The following COBL variants were observed in gnomAD, a reference collection of about 807,000 sequenced individuals.
The protein encoded by COBL is protein cordon-bleu.
COBL carries 51 observed loss-of-function variants against 98.8 expected under a neutral mutation model. The ratio of observed to expected loss-of-function variants is 0.52; its 90% CI spans 0.41 to 0.65. COBL has a LOEUF of 0.65. Ranked by LOEUF, COBL falls within the 30% of genes least tolerant of loss-of-function variation. The pLI is 0.00. For synonymous variants in COBL, 634 were observed against 651.7 expected, an observed-to-expected ratio of 0.97 and a Z score of 0.41; for missense variants, 1,617 against 1,617.5, an observed-to-expected ratio of 1.00 and a Z score of 0.01.
chr7:51,226,587 GGAGT>G (rs1479547322), intron 1 of COBL, among the ~76,000 whole-genome samples: 2 of 136,230 alleles, frequency 1.5e-5, no homozygotes, highest in African/African-American at 2.7e-5. Context: ...AGTGAGTGAG[GGAGT>G]GAGTTGGGAT....
At chr7:51,236,835 G>T (rs1050487476) in intron 1 of COBL, among the ~76,000 whole-genome samples, 14 of 152,138 alleles carry the variant, frequency 9.2e-5, no homozygotes, top group African/African-American at 3.4e-4. Flanking sequence ...AATGCAGCAG[G>T]GTCGGTGTCC....
intron 1 of COBL, among the ~76,000 whole-genome samples, chr7:51,244,583 C>T (rs1055770482): frequency 2.0e-5 from 3 of 152,134 alleles, no homozygotes; most frequent in African/African-American, 7.2e-5. Flanking sequence ...TGGGGCCCAG[C>T]CTCTCCTACG....
chr7:51,097,047 C>T (rs1371821229), intron 6 of COBL, among the ~76,000 whole-genome samples: 2 of 152,114 alleles, frequency 1.3e-5, no homozygotes, highest in African/African-American at 2.4e-5. Context: ...AAGAAAATTA[C>T]AGACCAGTAT....
At chr7:51,300,140 CTGTTT>C (rs113190272) in intron 1 of COBL, among the ~76,000 whole-genome samples, 70,464 of 148,162 alleles carry the variant, frequency 0.48, 16,699 homozygotes, top group African/African-American at 0.49. Flanking sequence ...GTTTGCTTTT[CTGTTT>C]TGTTTTGTTT....
At chr7:51,067,525 T>A (rs140094308) in intron 7 of COBL, among the ~76,000 whole-genome samples, 1 of 152,344 alleles carries the variant, frequency 6.6e-6, no homozygotes, top group Non-Finnish European at 1.5e-5. Flanking sequence ...TGCACATGCA[T>A]GTATGCACAT....
In COBL at chr7:51,221,887, C is replaced by T. The variant is rs115238386; in HGVS notation, c.42-1943G>A. Among the ~76,000 whole-genome samples the T allele has an allele frequency of 7.4e-3, 1,128 of 152,296 alleles. 13 individuals are homozygous for T. The highest frequency in any genetic ancestry group is 0.026 in the African/African-American group (1,095 of 41,554). ...AATGTAAAGTTACGCACATTCACGTCATTAAAATAACATTCAGGGGCCAGG... is the reference window on the plus strand; with the variant it reads ...AATGTAAAGTTACGCACATTCACGTTATTAAAATAACATTCAGGGGCCAGG... On this transcript the variant is annotated intron_variant, in intron 1 of 12. Coordinates refer to ENST00000265136, the MANE Select transcript of COBL (RefSeq NM_015198.5).
intron 7 of COBL, among the ~76,000 whole-genome samples, chr7:51,063,608 G>A (rs1791604011): frequency 6.6e-6 from 1 of 152,212 alleles, no homozygotes; most frequent in African/African-American, 2.4e-5. Flanking sequence ...CTGAGGGCCA[G>A]GTGTGGCCCC....
chr7:51,257,300 A>T (rs1050535126), intron 1 of COBL, among the ~76,000 whole-genome samples: 1 of 152,202 alleles, frequency 6.6e-6, no homozygotes, highest in Non-Finnish European at 1.5e-5. Flanking sequence ...AATAAAACCT[A>T]CATCACACCA....
At chr7:51,281,454 C>T (rs188477098) in intron 1 of COBL, among the ~76,000 whole-genome samples, 126 of 152,234 alleles carry the variant, frequency 8.3e-4, no homozygotes, top group Non-Finnish European at 4.4e-5. Flanking sequence ...GTTCAGCAAA[C>T]CCTATACAGG....
At chr7:51,073,277 G>A in intron 7 of COBL, 1 of 632,016 alleles carries the variant, frequency 1.6e-6, no homozygotes. Flanking sequence ...AAGAACAACA[G>A]GAAAATCAGA....
rs141632374 is a variant in COBL, at chr7:51,131,626, C to T, written c.957+4532G>A. Among the ~76,000 whole-genome samples the T allele has an allele frequency of 9.5e-3, 1,422 of 149,702 alleles. 18 individuals carry two copies. Among genetic ancestry groups the T allele is most frequent in the South Asian group, 0.055 (260 of 4,732 alleles). On this transcript the variant is annotated intron_variant, in intron 6 of 12. Coordinates refer to ENST00000265136, the MANE Select transcript of COBL (RefSeq NM_015198.5). ...TTTTTTTTTCTGAAATGGAGTTTCACTCTTTCGCCCAGGCTAGAGTGCAGT... is the reference window on the plus strand; with the variant it reads ...TTTTTTTTTCTGAAATGGAGTTTCATTCTTTCGCCCAGGCTAGAGTGCAGT...
intron 1 of COBL, among the ~76,000 whole-genome samples, chr7:51,231,827 A>G (rs1794786674): frequency 6.6e-6 from 1 of 152,198 alleles, no homozygotes; most frequent in African/African-American, 2.4e-5. Flanking sequence ...ATGTGGCACC[A>G]GACCTGTAGC....
chr7:51,303,115 C>A (rs1802135129), intron 1 of COBL, among the ~76,000 whole-genome samples: 1 of 152,196 alleles, frequency 6.6e-6, no homozygotes. Flanking sequence ...TTTCCCCGAG[C>A]CTCATGACAA....
chr7:51,069,954 C>T (rs545699431), intron 7 of COBL, among the ~76,000 whole-genome samples: 40 of 152,268 alleles, frequency 2.6e-4, no homozygotes, highest in African/African-American at 7.5e-4. Context: ...TAGATCTAAT[C>T]TCTTTTGGGG....
chr7:51,156,485 G>A, intron 5 of COBL: 2 of 984,962 alleles, frequency 2.0e-6, no homozygotes, highest in Non-Finnish European at 2.4e-6. Context: ...AGTTTTATTG[G>A]AGGCTGTCAT....
At chr7:51,095,098 A>G (rs566936882) in intron 6 of COBL, among the ~76,000 whole-genome samples, 3 of 152,346 alleles carry the variant, frequency 2.0e-5, no homozygotes, top group Non-Finnish European at 2.9e-5. Flanking sequence ...GGCAATTTAT[A>G]AAGGAAGGAG....
chr7:51,085,265 G>C lies in COBL; in HGVS notation c.997C>G (p.Arg333Gly). Residue 333 changes from arginine (R) to glycine (G), a missense_variant, in exon 7 of 13, where the codon CGG becomes GGG. Arg to Gly is a moderately radical substitution (Grantham distance 125, BLOSUM62 -2). Coordinates refer to ENST00000265136, the MANE Select transcript of COBL (RefSeq NM_015198.5). ...GGTGGAGGGGGAGCTGGCGCTCGCC[G>C]CTTCTTCTTCTGTAAATCAATCTGT... is the stretch of plus-strand genomic sequence containing the variant. Reference protein sequence around the residue: ...GSQIDLQKKKRRAPAPPPPQP... With the variant: ...GSQIDLQKKKGRAPAPPPPQP... 6.3e-7 allele frequency: 1 copy of C among 1,585,112 alleles called. No homozygotes were observed. Among genetic ancestry groups the C allele is most frequent in the Non-Finnish European group, 8.6e-7 (1 of 1,165,630 alleles).
rs544874581 is a variant in COBL at position 51,208,351 on chromosome 7, C to T, written c.245+11390G>A. Among the ~76,000 whole-genome samples, 1,336 of 151,270 alleles carry T rather than the reference C, an allele frequency of 8.8e-3. 18 individuals are homozygous for T. Among genetic ancestry groups the T allele is most frequent in the African/African-American group, 0.031 (1,258 of 41,122 alleles). ...CCAGGAGGGAGGTAGGGGGTCAGCC[C>T]CCCGCCAGGCCAGCCGCCCCGTCTG... On this transcript the variant is annotated intron_variant, in intron 2 of 12. Transcript: ENST00000265136.
At position 51,083,116 on chromosome 7, in the gene COBL, C is replaced by CTGG. The variant is rs911424047; in HGVS notation, c.1096+2049_1096+2050insCCA. 2.0e-6 allele frequency: 3 copies of CTGG among 1,532,684 alleles called. No individual in the cohort carries two copies. The African/African-American group carries it at 4.1e-5, about 21-fold the overall frequency. 94.9% of individuals were successfully genotyped at this position (1,532,684 alleles called of 1,614,324 possible). On this transcript the variant is annotated intron_variant, in intron 7 of 12. Coordinates refer to ENST00000265136, the MANE Select transcript of COBL (RefSeq NM_015198.5). ...CGCCTTCCCCGGGAAAGCTGAGAGG[C>CTGG]TCCACCACGTCTGTGTCGGGAGGAG...
Sources: gnomAD v4.1 joint callset for allele counts (sites outside exome capture counted in the v4.1 genomes callset) on GRCh38, gnomAD v4.1.1 for gene constraint, MANE v1.5 for transcripts, NCBI Gene and HGNC (gene_info 2026-07-23, HGNC 2026-07-21) for gene names.